Variants in ROBO2 observed in about 807,000 individuals in gnomAD.
ROBO2 encodes roundabout guidance receptor 2.
In ROBO2, 53 loss-of-function variants were observed where a neutral mutation model predicts 160.8. That is an observed-to-expected ratio of 0.33 (90% confidence interval 0.26 to 0.41). ROBO2 has a LOEUF of 0.41. Among genes scored for constraint, ROBO2 ranks in the 10% least tolerant of loss-of-function variants. The pLI, the probability that ROBO2 is intolerant of heterozygous loss-of-function variation, is 1.00. For missense variants in ROBO2, 1,577 were observed against 1,722.4 expected (o/e 0.92, Z 1.49); for synonymous variants, 664 against 611.7 (o/e 1.09, Z -1.26).
intron 2 of ROBO2, among the ~76,000 whole-genome samples, chr3:77,140,785 G>T (rs1052691586): frequency 2.0e-5 from 3 of 152,022 alleles, no homozygotes; most frequent in African/African-American, 7.2e-5. Context: ...AAACATTTTT[G>T]TAAAATTATT....
At chr3:76,136,597 A>G (rs1310545169) in intron 2 of ROBO2, among the ~76,000 whole-genome samples, 1 of 152,016 alleles carries the variant, frequency 6.6e-6, no homozygotes, top group East Asian at 1.9e-4. Context: ...ATCTACATAC[A>G]TTGCTTGCAA....
intron 1 of ROBO2, among the ~76,000 whole-genome samples, chr3:77,065,801 A>T (rs559983454): frequency 6.6e-6 from 1 of 152,280 alleles, no homozygotes; most frequent in South Asian, 2.1e-4. Flanking sequence ...GGATATACAA[A>T]TGACCTTACC....
At chr3:76,977,602 A>T (rs1419509411) in intron 2 of ROBO2, among the ~76,000 whole-genome samples, 1 of 152,202 alleles carries the variant, frequency 6.6e-6, no homozygotes, top group Non-Finnish European at 1.5e-5. Context: ...GGTTCACTGC[A>T]GAAGTCATGC....
At chr3:77,299,082 A>G (rs1236097760) in intron 2 of ROBO2, among the ~76,000 whole-genome samples, 1 of 152,216 alleles carries the variant, frequency 6.6e-6, no homozygotes, top group Non-Finnish European at 1.5e-5. Context: ...AGGAACAGGA[A>G]GAAAGCATTT....
intron 2 of ROBO2, among the ~76,000 whole-genome samples, chr3:76,368,870 A>G (rs2075964498): frequency 6.6e-6 from 1 of 151,910 alleles, no homozygotes; most frequent in Admixed American, 6.6e-5. Flanking sequence ...TTGCTATGAG[A>G]AAACATCCTC....
chr3:76,196,745 A>T (rs1452426561), intron 2 of ROBO2, among the ~76,000 whole-genome samples: 1 of 152,154 alleles, frequency 6.6e-6, no homozygotes, highest in Non-Finnish European at 1.5e-5. Context: ...TAAGGATGTT[A>T]TTGTCATGTC....
At chr3:77,326,883 G>A (rs948545306) in intron 2 of ROBO2, among the ~76,000 whole-genome samples, 2 of 152,184 alleles carry the variant, frequency 1.3e-5, no homozygotes, top group East Asian at 1.9e-4. Flanking sequence ...TCCTTACTGC[G>A]TTCTATTTGA....
chr3:77,401,563 C>T (rs758432319), intron 2 of ROBO2, among the ~76,000 whole-genome samples: 10 of 151,772 alleles, frequency 6.6e-5, no homozygotes, highest in Non-Finnish European at 1.5e-4. Flanking sequence ...AGGGTATGCA[C>T]TTGAAAACTT....
intron 2 of ROBO2, among the ~76,000 whole-genome samples, chr3:77,259,823 G>A (rs748385478): frequency 3.3e-5 from 5 of 152,226 alleles, no homozygotes; most frequent in Non-Finnish European, 4.4e-5. Flanking sequence ...TCCAACCTCA[G>A]AACCAATATT....
chr3:76,653,386 A>G (rs2091341164), intron 2 of ROBO2, among the ~76,000 whole-genome samples: 1 of 150,296 alleles, frequency 6.7e-6, no homozygotes, highest in South Asian at 2.1e-4. Flanking sequence ...AGTAAAATAT[A>G]TATAATATAT....
chr3:76,578,930 G>A (rs979234821), intron 2 of ROBO2, among the ~76,000 whole-genome samples: 1 of 152,128 alleles, frequency 6.6e-6, no homozygotes, highest in Non-Finnish European at 1.5e-5. Context: ...CAGAGTGGCT[G>A]AAATCAACAT....
chr3:77,599,059 C>T (rs780480592), intron 19 of ROBO2, among the ~76,000 whole-genome samples: 2 of 152,064 alleles, frequency 1.3e-5, no homozygotes, highest in African/African-American at 4.8e-5. Flanking sequence ...CTTCCATTTT[C>T]CCTTAATTTT....
chr3:76,488,525 G>A (rs2079623662), intron 2 of ROBO2, among the ~76,000 whole-genome samples: 1 of 152,122 alleles, frequency 6.6e-6, no homozygotes, highest in Non-Finnish European at 1.5e-5. Context: ...GCCAGGAGGG[G>A]TACATCGCTG....
intron 2 of ROBO2, among the ~76,000 whole-genome samples, chr3:76,687,061 T>G (rs2107110333): frequency 6.6e-6 from 1 of 152,216 alleles, no homozygotes; most frequent in Non-Finnish European, 1.5e-5. Context: ...ATCTATTATT[T>G]ATCATGCACG....
chr3:76,622,273 A>AAG (rs2089248976), intron 2 of ROBO2, among the ~76,000 whole-genome samples: 5 of 55,060 alleles, frequency 9.1e-5, no homozygotes, highest in African/African-American at 2.4e-4. Context: ...AAAGAAAGAA[A>AAG]GAAAGAAAGA....
At chr3:76,113,281 C>G (rs962239391) in intron 2 of ROBO2, among the ~76,000 whole-genome samples, 1 of 151,970 alleles carries the variant, frequency 6.6e-6, no homozygotes, top group African/African-American at 2.4e-5. Flanking sequence ...TAAACATGGG[C>G]CTCCCAATTA....
At chr3:76,141,159 C>CTATATATATATATATATATATA (rs55778369) in intron 2 of ROBO2, among the ~76,000 whole-genome samples, 4 of 9,172 alleles carry the variant, frequency 4.4e-4, no homozygotes, top group Admixed American at 2.2e-3. Context: ...CTCTCTCTCT[C>CTATATATATATATATATATATA]TATATATATA....
chr3:76,935,805 T>C (rs2077661485), intron 2 of ROBO2, among the ~76,000 whole-genome samples: 2 of 152,160 alleles, frequency 1.3e-5, no homozygotes, highest in African/African-American at 4.8e-5. Context: ...GCCTGTGTCT[T>C]CACCTGGTAG....
upstream of ROBO2, among the ~76,000 whole-genome samples, chr3:77,037,428 T>A (rs2063704338): frequency 6.6e-6 from 1 of 152,198 alleles, no homozygotes; most frequent in African/African-American, 2.4e-5. Flanking sequence ...GCTTGCTTTG[T>A]CACTTTTAAT....
Sources: gnomAD v4.1 joint callset for allele counts (sites outside exome capture counted in the v4.1 genomes callset) on GRCh38, gnomAD v4.1.1 for gene constraint, MANE v1.5 for transcripts, NCBI Gene and HGNC (gene_info 2026-07-23, HGNC 2026-07-21) for gene names.